The following GRID2 variants were observed in gnomAD, a reference collection of about 807,000 sequenced individuals.
GRID2 encodes the protein glutamate receptor ionotropic, delta-2.
A neutral mutation model predicts 114.8 loss-of-function variants in GRID2; 33 were observed. That is an observed-to-expected ratio of 0.29 (90% CI 0.22 to 0.38). The LOEUF (loss-of-function observed/expected upper bound fraction) is 0.38. Ranked by LOEUF, GRID2 falls within the 10% of genes least tolerant of loss-of-function variation. GRID2 has a pLI of 1.00. For synonymous variants in GRID2, 505 were observed against 449.9 expected, an observed-to-expected ratio of 1.12 and a Z score of -1.55; for missense variants, 1,184 against 1,257.7, an observed-to-expected ratio of 0.94 and a Z score of 0.89.
At chr4:92,705,209 C>CA (rs1421942398) in intron 2 of GRID2, among the ~76,000 whole-genome samples, 7 of 151,934 alleles carry the variant, frequency 4.6e-5, no homozygotes, top group African/African-American at 1.7e-4. Context: ...TATTCTAAAC[C>CA]AAAAGAAAAA....
chr4:92,578,110 CTTCTTT>C (rs1727991745), intron 1 of GRID2, among the ~76,000 whole-genome samples: 1 of 124,820 alleles, frequency 8.0e-6, no homozygotes, highest in African/African-American at 2.9e-5. Flanking sequence ...TCTTCTTCTT[CTTCTTT>C]TTCTTATTAT....
chr4:92,537,946 T>G, intron 1 of GRID2, among the ~76,000 whole-genome samples: 1 of 152,114 alleles, frequency 6.6e-6, no homozygotes, highest in African/African-American at 2.4e-5. Context: ...TCCATCTCTA[T>G]AAGAAAATGT....
intron 4 of GRID2, among the ~76,000 whole-genome samples, chr4:93,190,131 G>T (rs867937252): frequency 1.3e-5 from 2 of 151,994 alleles, no homozygotes; most frequent in South Asian, 2.1e-4. Context: ...GTCATAATTT[G>T]TTACCTAAAT....
chr4:93,463,441 C>G (rs1369846395), intron 11 of GRID2, among the ~76,000 whole-genome samples: 2 of 152,144 alleles, frequency 1.3e-5, no homozygotes, highest in East Asian at 3.9e-4. Context: ...AATTCTTTCT[C>G]ATGCTCAACT....
At chr4:93,087,471 C>T (rs1730432439) in intron 3 of GRID2, among the ~76,000 whole-genome samples, 1 of 151,992 alleles carries the variant, frequency 6.6e-6, no homozygotes, top group South Asian at 2.1e-4. Context: ...TAAAAGAAGA[C>T]ATTTTTATTA....
At chr4:92,697,649 T>G (rs1734483484) in intron 2 of GRID2, among the ~76,000 whole-genome samples, 1 of 151,836 alleles carries the variant, frequency 6.6e-6, no homozygotes, top group Non-Finnish European at 1.5e-5. Context: ...GACAGAAAAG[T>G]CAATACAAAT....
At chr4:92,548,216 C>T (rs563691454) in intron 1 of GRID2, among the ~76,000 whole-genome samples, 7 of 152,088 alleles carry the variant, frequency 4.6e-5, no homozygotes, top group Non-Finnish European at 1.0e-4. Context: ...GTGCACTACT[C>T]GCTGAGGACA....
chr4:92,957,670 T>C (rs1307985490), intron 2 of GRID2, among the ~76,000 whole-genome samples: 1 of 152,000 alleles, frequency 6.6e-6, no homozygotes, highest in Non-Finnish European at 1.5e-5. Context: ...TTCCGAATCA[T>C]TTAGTAGATA....
intron 14 of GRID2, among the ~76,000 whole-genome samples, chr4:93,729,245 T>C (rs552522193): frequency 1.3e-5 from 2 of 152,182 alleles, no homozygotes; most frequent in Admixed American, 1.3e-4. Flanking sequence ...AAGAGTGCAT[T>C]TAGTCAGCAA....
chr4:93,422,615 T>C (rs1485239382), intron 9 of GRID2, among the ~76,000 whole-genome samples, 156 bp from the exon 10 acceptor site: 5 of 152,238 alleles, frequency 3.3e-5, no homozygotes, highest in East Asian at 1.9e-4. Flanking sequence ...TGTTAAATAA[T>C]ATGATGCGTT....
In GRID2 at chr4:93,005,764, C is replaced by T. The variant is rs1047603405; in HGVS notation, c.245-79231C>T. On this transcript the variant is annotated intron_variant, in intron 2 of 15. Coordinates refer to ENST00000282020, the MANE Select transcript of GRID2 (RefSeq NM_001510.4). ...TACCTGCTACAATGTGGATGAACAT[C>T]GAAAACTAAGTGAAAGAAGTCAGCC... 5.9e-5 allele frequency among the ~76,000 whole-genome samples: 9 copies of T among 151,956 alleles called. No individual in the cohort carries two copies. The South Asian group carries it at 8.3e-4, about 14-fold the overall frequency.
intron 6 of GRID2, among the ~76,000 whole-genome samples, chr4:93,223,028 GGGTTAGGA>G (rs1745071520): frequency 6.6e-6 from 1 of 152,134 alleles, no homozygotes; most frequent in African/African-American, 2.4e-5. Flanking sequence ...GAACCAGGAG[GGGTTAGGA>G]AAGGCCAGAA....
intron 11 of GRID2, among the ~76,000 whole-genome samples, chr4:93,481,947 T>C (rs1725918705): frequency 6.6e-6 from 1 of 151,956 alleles, no homozygotes; most frequent in African/African-American, 2.4e-5. Context: ...AAATTCAGAT[T>C]ACAGAAGGGT....
intron 8 of GRID2, among the ~76,000 whole-genome samples, chr4:93,362,988 G>A (rs939797202): frequency 1.3e-5 from 2 of 152,178 alleles, no homozygotes; most frequent in Non-Finnish European, 1.5e-5. Context: ...GACAGGCTGA[G>A]GCAGGTTGAT....
intron 8 of GRID2, among the ~76,000 whole-genome samples, chr4:93,242,111 T>C (rs1282624698): frequency 1.3e-5 from 2 of 151,952 alleles, no homozygotes; most frequent in Admixed American, 6.6e-5. Context: ...CAAGTCTTTA[T>C]GTTTGATGTT....
intron 8 of GRID2, among the ~76,000 whole-genome samples, chr4:93,313,231 A>T (rs1422154177): frequency 3.3e-5 from 5 of 152,184 alleles, no homozygotes; most frequent in Admixed American, 3.3e-4. Context: ...TCAGAACTAT[A>T]CAGCTTTCAA....
rs1340164185 is a variant in GRID2 at position 92,662,794 on chromosome 4, A to G, written c.244+72508A>G. On this transcript the variant is annotated intron_variant, in intron 2 of 15. Coordinates refer to ENST00000282020, the MANE Select transcript of GRID2 (RefSeq NM_001510.4). Reference sequence around the variant, plus strand: ...TGGTTTTGTAAATGCATTTAAATCAATGAACAATATTGGAGTTTTCTGGAG... The same window carrying G: ...TGGTTTTGTAAATGCATTTAAATCAGTGAACAATATTGGAGTTTTCTGGAG... Among the ~76,000 whole-genome samples the G allele has an allele frequency of 2.0e-5, 3 of 151,062 alleles. No homozygotes were observed. The East Asian group carries it at 5.8e-4, about 29-fold the overall frequency.
intron 1 of GRID2, among the ~76,000 whole-genome samples, chr4:92,544,935 A>G (rs1306865466): frequency 6.6e-6 from 1 of 152,098 alleles, no homozygotes; most frequent in African/African-American, 2.4e-5. Context: ...GAGCCCAGAA[A>G]TTATGCTGCT....
At chr4:93,484,393 T>C (rs1726175246) in intron 11 of GRID2, among the ~76,000 whole-genome samples, 1 of 151,906 alleles carries the variant, frequency 6.6e-6, no homozygotes, top group South Asian at 2.1e-4. Flanking sequence ...AACCCATTAA[T>C]GGTGTTGTTT....
Sources: allele counts gnomAD v4.1 joint callset (sites outside exome capture counted in the v4.1 genomes callset), GRCh38; gene constraint gnomAD v4.1.1; transcripts MANE v1.5; gene names NCBI Gene and HGNC (gene_info 2026-07-23, HGNC 2026-07-21).